Variants in CSMD3 observed in about 807,000 individuals in gnomAD.
CSMD3 encodes the protein CUB and Sushi multiple domains 3, also known as CUB and sushi domain-containing protein 3.
CSMD3 carries 177 observed loss-of-function variants against 435.2 expected under a neutral mutation model. The observed-to-expected ratio is 0.41, with a 90% CI of 0.36 to 0.46. The LOEUF is 0.46. CSMD3 is among the 20% of genes least tolerant of loss of function. CSMD3 has a pLI of 0.34. For synonymous variants in CSMD3, 1,656 were observed against 1,520.5 expected (o/e 1.09, Z -2.07); for missense variants, 4,265 against 4,504.6 (o/e 0.95, Z 1.52).
intron 1 of CSMD3, among the ~76,000 whole-genome samples, chr8:113,387,037 T>C (rs577829213): frequency 6.6e-6 from 1 of 151,944 alleles, no homozygotes; most frequent in Admixed American, 6.6e-5. Context: ...CAAGGAACAT[T>C]TTGAATTGGC....
intron 1 of CSMD3, among the ~76,000 whole-genome samples, chr8:113,393,920 C>CATTTGTAGGATAAATATT (rs2133167751): frequency 6.6e-6 from 1 of 152,050 alleles, no homozygotes; most frequent in African/African-American, 2.4e-5. Context: ...TAGGATCCCA[C>CATTTGTAGGATAAATATT]ATTTGTAGGA....
intron 13 of CSMD3, among the ~76,000 whole-genome samples, chr8:112,690,685 G>A (rs2076115997): frequency 6.7e-6 from 1 of 150,042 alleles, no homozygotes; most frequent in African/African-American, 2.5e-5. Flanking sequence ...TTTCTTGGAT[G>A]AGTGGAAAGA....
intron 57 of CSMD3, 86 bp downstream of exon 57, chr8:112,289,279 T>C: frequency 1.8e-6 from 2 of 1,085,492 alleles, no homozygotes; most frequent in East Asian, 2.4e-5. Flanking sequence ...TTTAAGTCTT[T>C]AGATTGTTTT....
At chr8:112,505,720 A>G (rs576767885) in intron 29 of CSMD3, among the ~76,000 whole-genome samples, 2 of 152,178 alleles carry the variant, frequency 1.3e-5, no homozygotes, top group South Asian at 4.1e-4. Context: ...GCATGCTAAT[A>G]TTACCTTATG....
At chr8:113,384,203 A>G (rs2094429958) in intron 1 of CSMD3, among the ~76,000 whole-genome samples, 2 of 152,120 alleles carry the variant, frequency 1.3e-5, no homozygotes, top group Admixed American at 1.3e-4. Flanking sequence ...CTTCTCTACT[A>G]ACTGAAGTAT....
intron 13 of CSMD3, among the ~76,000 whole-genome samples, chr8:112,735,809 CT>C (rs551291376): frequency 1.7e-4 from 26 of 151,190 alleles, no homozygotes; most frequent in South Asian, 6.3e-4. Flanking sequence ...CAATATAACA[CT>C]TTTTTTTTAC....
intron 27 of CSMD3, among the ~76,000 whole-genome samples, chr8:112,530,698 T>C (rs903302399): frequency 6.6e-6 from 1 of 152,112 alleles, no homozygotes; most frequent in African/African-American, 2.4e-5. Flanking sequence ...AACACAAGAA[T>C]ATATAAAACT....
Position 113,018,280 on chromosome 8 carries a change from AC to A in CSMD3, c.1030+786del, listed in dbSNP as rs138910520. 6.7e-3 allele frequency among the ~76,000 whole-genome samples: 1,023 copies of A among 152,160 alleles called. 12 individuals carry two copies. Among genetic ancestry groups the A allele is most frequent in the African/African-American group, 0.023 (954 of 41,560 alleles). On this transcript the variant is annotated intron_variant, in intron 6 of 70. Coordinates refer to ENST00000297405, the MANE Select transcript of CSMD3 (RefSeq NM_198123.2). Reference sequence around the variant, plus strand: ...TATATGATTTAATGCCATTTTGAGTACTAAATATAAGCTTCCTAAAGTCATC... The same window carrying A: ...TATATGATTTAATGCCATTTTGAGTATAAATATAAGCTTCCTAAAGTCATC...
At chr8:112,609,632 C>T (rs1833098133) in intron 22 of CSMD3, among the ~76,000 whole-genome samples, 2 of 152,118 alleles carry the variant, frequency 1.3e-5, no homozygotes, top group African/African-American at 4.8e-5. Context: ...AAAAATAGAA[C>T]TACCATGTGA....
intron 59 of CSMD3, among the ~76,000 whole-genome samples, chr8:112,274,066 T>C (rs1261915992): frequency 6.6e-6 from 1 of 152,130 alleles, no homozygotes; most frequent in African/African-American, 2.4e-5. Context: ...ATAAGAGTTT[T>C]AAAGGCTACG....
chr8:113,376,998 C>A, intron 1 of CSMD3: 1 of 1,305,922 alleles, frequency 7.7e-7, no homozygotes. Context: ...GCCGGGCCCG[C>A]AGCCACATCT....
At chr8:112,855,839 T>C (rs983543501) in intron 11 of CSMD3, among the ~76,000 whole-genome samples, 1 of 143,026 alleles carries the variant, frequency 7.0e-6, no homozygotes, top group Non-Finnish European at 1.5e-5. Flanking sequence ...TGTCTCAAGA[T>C]CTGTCCCTGA....
intron 9 of CSMD3, among the ~76,000 whole-genome samples, chr8:112,929,454 T>A (rs1485241564): frequency 6.6e-6 from 1 of 152,116 alleles, no homozygotes; most frequent in Non-Finnish European, 1.5e-5. Flanking sequence ...GCTGAAGATT[T>A]TATTTTTATT....
At chr8:113,292,414 C>A (rs1201613988) in intron 2 of CSMD3, among the ~76,000 whole-genome samples, 5 of 151,568 alleles carry the variant, frequency 3.3e-5, no homozygotes, top group African/African-American at 1.2e-4. Flanking sequence ...ATTAGATCAA[C>A]AAAAATATAC....
At chr8:112,609,633 T>C (rs1428721399) in intron 22 of CSMD3, among the ~76,000 whole-genome samples, 2 of 152,108 alleles carry the variant, frequency 1.3e-5, no homozygotes, top group African/African-American at 2.4e-5. Flanking sequence ...AAAATAGAAC[T>C]ACCATGTGAT....
intron 12 of CSMD3, among the ~76,000 whole-genome samples, chr8:112,804,645 C>G (rs2079036832): frequency 7.9e-6 from 1 of 126,066 alleles, no homozygotes; most frequent in African/African-American, 3.1e-5. Context: ...CATGCTAACT[C>G]ATTGCATTTA....
chr8:113,359,848 CT>C (rs2094259782), intron 1 of CSMD3, among the ~76,000 whole-genome samples: 2 of 152,094 alleles, frequency 1.3e-5, no homozygotes, highest in Admixed American at 1.3e-4. Flanking sequence ...GGGATACAAC[CT>C]ACTTATAAAT....
chr8:112,478,119 T>A (rs769359294), intron 31 of CSMD3, among the ~76,000 whole-genome samples: 1 of 152,194 alleles, frequency 6.6e-6, no homozygotes, highest in South Asian at 2.1e-4. Context: ...TCCACCATGA[T>A]CGTGAGGCCT....
intron 45 of CSMD3, among the ~76,000 whole-genome samples, chr8:112,327,017 G>A (rs1333750183): frequency 1.3e-5 from 2 of 151,986 alleles, no homozygotes; most frequent in Non-Finnish European, 2.9e-5. Flanking sequence ...GTGAGACCCT[G>A]TCTCAAAAAT....
Sources: allele counts gnomAD v4.1 joint callset (sites outside exome capture counted in the v4.1 genomes callset), GRCh38; gene constraint gnomAD v4.1.1; transcripts MANE v1.5; gene names NCBI Gene and HGNC (gene_info 2026-07-23, HGNC 2026-07-21).